Variants in DRC8 observed in about 807,000 individuals in gnomAD.
DRC8 encodes the protein dynein regulatory complex protein 8.
the DRC8 span, among the ~76,000 whole-genome samples, chr1:245,054,802 G>A: frequency 2.0e-5 from 3 of 152,166 alleles, no homozygotes; most frequent in African/African-American, 7.2e-5. Context: ...CAAGTCTGTG[G>A]TTTGATTTTA....
At chr1:245,015,181 A>G in the DRC8 span, among the ~76,000 whole-genome samples, 1 of 152,090 alleles carries the variant, frequency 6.6e-6, no homozygotes, top group Non-Finnish European at 1.5e-5. Flanking sequence ...CAGTAGTGTG[A>G]TCATGGCTCA....
At chr1:245,109,960 G>A in the DRC8 span, among the ~76,000 whole-genome samples, 1 of 152,220 alleles carries the variant, frequency 6.6e-6, no homozygotes, top group African/African-American at 2.4e-5. Flanking sequence ...TTAAGCGTGT[G>A]TTATCTTGTA....
At chr1:245,116,594 G>A in the DRC8 span, among the ~76,000 whole-genome samples, 4 of 152,114 alleles carry the variant, frequency 2.6e-5, no homozygotes, top group African/African-American at 7.2e-5. Flanking sequence ...CAGGGCAAGA[G>A]GAAAGTGCCT....
chr1:245,121,156 G>A, the DRC8 span, among the ~76,000 whole-genome samples: 8 of 152,266 alleles, frequency 5.3e-5, no homozygotes, highest in East Asian at 1.5e-3. Context: ...GAAGTTTTAT[G>A]CCCCTTTTTA....
chr1:245,095,140 C>T, the DRC8 span, among the ~76,000 whole-genome samples: 30 of 152,300 alleles, frequency 2.0e-4, no homozygotes, highest in African/African-American at 5.5e-4. Flanking sequence ...CGGAACAGCC[C>T]GTGCAGGGCC....
At chr1:244,985,456 T>C in the DRC8 span, among the ~76,000 whole-genome samples, 1 of 152,152 alleles carries the variant, frequency 6.6e-6, no homozygotes, top group Non-Finnish European at 1.5e-5. Context: ...GCTCTAGAAA[T>C]GTTATGAGTC....
At chr1:244,969,966 G>A in the DRC8 span, 1 of 517,260 alleles carries the variant, frequency 1.9e-6, no homozygotes, top group Non-Finnish European at 3.4e-6. Context: ...TAGCTCTCCG[G>A]CGCTTTTCAA....
chr1:245,012,361 A>T, the DRC8 span, among the ~76,000 whole-genome samples: 1 of 151,774 alleles, frequency 6.6e-6, no homozygotes, highest in Non-Finnish European at 1.5e-5. Context: ...AAAATGGATT[A>T]TTATCACTTT....
chr1:244,990,814 GT>G, the DRC8 span, among the ~76,000 whole-genome samples: 76 of 146,156 alleles, frequency 5.2e-4, no homozygotes, highest in African/African-American at 1.0e-3. Context: ...TGTGGGTGGT[GT>G]TTTTTTTTTT....
At chr1:245,002,599 A>C in the DRC8 span, among the ~76,000 whole-genome samples, 1 of 149,038 alleles carries the variant, frequency 6.7e-6, no homozygotes, top group Admixed American at 6.7e-5. Flanking sequence ...ATCTCGGCTC[A>C]CTTTGACTTC....
At chr1:245,014,320 G>A in the DRC8 span, among the ~76,000 whole-genome samples, 1 of 152,146 alleles carries the variant, frequency 6.6e-6, no homozygotes, top group Non-Finnish European at 1.5e-5. Context: ...TCCCAGTAGG[G>A]TTGAGCAGAG....
At chr1:245,088,211 C>T in the DRC8 span, among the ~76,000 whole-genome samples, 2 of 152,018 alleles carry the variant, frequency 1.3e-5, no homozygotes, top group African/African-American at 4.8e-5. This position sits in a 1 kb window ranked among gnomAD's most constrained non-coding sequence, Gnocchi z 4.6. Flanking sequence ...TCTCTCCGAT[C>T]TTGGCATCTT....
chr1:245,009,254 C>T, the DRC8 span, among the ~76,000 whole-genome samples: 7 of 151,530 alleles, frequency 4.6e-5, no homozygotes, highest in South Asian at 6.3e-4. Flanking sequence ...AGGCTGGTCT[C>T]GAACTCCTGA....
At chr1:245,015,313 T>C in the DRC8 span, among the ~76,000 whole-genome samples, 2 of 152,216 alleles carry the variant, frequency 1.3e-5, no homozygotes, top group African/African-American at 4.8e-5. Context: ...TCCTTTATTC[T>C]TTCACTCAGC....
the DRC8 span, chr1:245,083,999 C>A: frequency 5.0e-6 from 1 of 200,730 alleles, no homozygotes; most frequent in East Asian, 1.3e-4. Context: ...CATGAACTAT[C>A]GATCACTGTA....
chr1:245,107,684 T>C, the DRC8 span, among the ~76,000 whole-genome samples: 1 of 152,166 alleles, frequency 6.6e-6, no homozygotes, highest in Admixed American at 6.5e-5. Context: ...CTCCTGGTTC[T>C]CAGTCCTGCT....
At chr1:245,047,000 A>T in the DRC8 span, among the ~76,000 whole-genome samples, 1 of 152,204 alleles carries the variant, frequency 6.6e-6, no homozygotes, top group African/African-American at 2.4e-5. Flanking sequence ...ACCGCTGATG[A>T]GCTGAGCCTG....
At chr1:245,034,893 AAGAT>A in the DRC8 span, among the ~76,000 whole-genome samples, 2 of 151,574 alleles carry the variant, frequency 1.3e-5, no homozygotes, top group African/African-American at 4.9e-5. Flanking sequence ...GTTTAATAGA[AAGAT>A]AAATCACTAG....
the DRC8 span, among the ~76,000 whole-genome samples, chr1:245,064,006 A>G: frequency 6.6e-6 from 1 of 152,188 alleles, no homozygotes; most frequent in South Asian, 2.1e-4. Context: ...TACAGGCGTG[A>G]CCAACCACGC....
Sources: allele counts gnomAD v4.1 joint callset (sites outside exome capture counted in the v4.1 genomes callset), GRCh38; gene constraint gnomAD v4.1.1; non-coding constraint Gnocchi (gnomAD v3.1); transcripts MANE v1.5; gene names NCBI Gene and HGNC (gene_info 2026-07-23, HGNC 2026-07-21).